Variants in NALF1 observed in about 807,000 individuals in gnomAD.
NALF1 encodes the protein family with sequence similarity 155 member A.
Under a neutral mutation model 48.4 loss-of-function variants are expected in NALF1, and 3 were observed. The observed-to-expected ratio is 0.06, with a 90% CI of 0.03 to 0.16. The LOEUF (loss-of-function observed/expected upper bound fraction) is 0.16, where lower values mean the gene tolerates loss of function less well. NALF1 is among the 10% of genes least tolerant of loss of function. The pLI, the probability that NALF1 is intolerant of heterozygous loss-of-function variation, is 1.00. For missense variants in NALF1, 526 were observed against 571.5 expected, an observed-to-expected ratio of 0.92 and a Z score of 0.81; for synonymous variants, 262 against 245.7, an observed-to-expected ratio of 1.07 and a Z score of -0.62.
At chr13:107,244,954 TA>T (rs1390355845) in intron 1 of NALF1, among the ~76,000 whole-genome samples, 3 of 152,188 alleles carry the variant, frequency 2.0e-5, no homozygotes, top group African/African-American at 4.8e-5. Flanking sequence ...ATGAACTCAC[TA>T]AGAGCCATTC....
intron 1 of NALF1, among the ~76,000 whole-genome samples, chr13:107,750,826 G>T (rs573604037): frequency 1.2e-3 from 185 of 152,322 alleles, no homozygotes; most frequent in Middle Eastern, 3.4e-3. Flanking sequence ...ATAACTGAAT[G>T]TTTCATGTGC....
chr13:107,324,621 T>C (rs1424411440), intron 1 of NALF1, among the ~76,000 whole-genome samples: 1 of 152,184 alleles, frequency 6.6e-6, no homozygotes, highest in Non-Finnish European at 1.5e-5. Flanking sequence ...AAACATTCTA[T>C]TTCTTCACCA....
chr13:107,530,415 G>A (rs1370714131), intron 1 of NALF1, among the ~76,000 whole-genome samples: 2 of 152,120 alleles, frequency 1.3e-5, no homozygotes, highest in African/African-American at 2.4e-5. Flanking sequence ...ATCATACATA[G>A]TAAGTGCTCA....
intron 1 of NALF1, among the ~76,000 whole-genome samples, chr13:107,780,225 T>C (rs1877849147): frequency 6.6e-6 from 1 of 152,098 alleles, no homozygotes. Context: ...GTGTGATCCT[T>C]TCACTATTTG....
chr13:107,859,914 C>CA (rs778833499), intron 1 of NALF1, among the ~76,000 whole-genome samples: 24,290 of 66,230 alleles, frequency 0.37, 3,260 homozygotes, highest in East Asian at 0.43. Context: ...AACTCCAACT[C>CA]AAAAAAAAAA....
intron 1 of NALF1, among the ~76,000 whole-genome samples, chr13:107,546,018 C>G (rs998657938): frequency 2.6e-5 from 4 of 152,068 alleles, no homozygotes; most frequent in Admixed American, 6.6e-5. Flanking sequence ...GTTCTGGGCT[C>G]TGGGTCAAGC....
At chr13:107,203,071 T>C (rs1879554517) in intron 2 of NALF1, among the ~76,000 whole-genome samples, 1 of 152,246 alleles carries the variant, frequency 6.6e-6, no homozygotes, top group Non-Finnish European at 1.5e-5. Context: ...AGCTACCAAG[T>C]GGGCATAAAT....
At chr13:107,762,876 A>G (rs1468861217) in intron 1 of NALF1, among the ~76,000 whole-genome samples, 1 of 152,190 alleles carries the variant, frequency 6.6e-6, no homozygotes, top group Non-Finnish European at 1.5e-5. Flanking sequence ...AGTCTTAAAA[A>G]TTGTGTTAAG....
At chr13:107,490,248 G>A (rs563970528) in intron 1 of NALF1, among the ~76,000 whole-genome samples, 13 of 152,066 alleles carry the variant, frequency 8.5e-5, no homozygotes, top group Middle Eastern at 3.4e-3. Flanking sequence ...AATACAAGTC[G>A]TTCTATTACA....
At chr13:107,847,781 AGGACACAGCTAAGCTGC>A (rs1880210970) in intron 1 of NALF1, among the ~76,000 whole-genome samples, 2 of 152,210 alleles carry the variant, frequency 1.3e-5, no homozygotes, top group African/African-American at 4.8e-5. Context: ...AGCTTTGCTG[AGGACACAGCTAAGCTGC>A]GTCCACATTT....
At chr13:107,838,622 T>C (rs1351989076) in intron 1 of NALF1, among the ~76,000 whole-genome samples, 1 of 151,984 alleles carries the variant, frequency 6.6e-6, no homozygotes, top group Non-Finnish European at 1.5e-5. Context: ...GCAGAAACAA[T>C]GGTGATAGCA....
At chr13:107,584,200 G>C (rs888804221) in intron 1 of NALF1, among the ~76,000 whole-genome samples, 6 of 152,052 alleles carry the variant, frequency 3.9e-5, no homozygotes, top group African/African-American at 1.4e-4. Context: ...AAGGAAATTG[G>C]TCAAATAATC....
chr13:107,580,851 C>T (rs1485600131), intron 1 of NALF1, among the ~76,000 whole-genome samples: 1 of 152,068 alleles, frequency 6.6e-6, no homozygotes, highest in Non-Finnish European at 1.5e-5. Context: ...GGACTACAGA[C>T]TTGGTGATGA....
At chr13:107,744,418 TC>T (rs1876725614) in intron 1 of NALF1, among the ~76,000 whole-genome samples, 1 of 151,976 alleles carries the variant, frequency 6.6e-6, no homozygotes, top group African/African-American at 2.4e-5. Context: ...AAAAATGATA[TC>T]CCCAAGCCCG....
intron 1 of NALF1, among the ~76,000 whole-genome samples, chr13:107,350,179 G>A (rs1285043427): frequency 6.6e-6 from 1 of 152,176 alleles, no homozygotes; most frequent in Non-Finnish European, 1.5e-5. Flanking sequence ...ACTGCTCCTT[G>A]GAACTGAGGG....
chr13:107,826,808 C>T (rs922726852), intron 1 of NALF1, among the ~76,000 whole-genome samples: 3 of 152,288 alleles, frequency 2.0e-5, no homozygotes, highest in Middle Eastern at 3.4e-3. Flanking sequence ...GGAAACTAAT[C>T]GAACTCTCTT....
rs149709523 is a variant in NALF1, at chr13:107,753,819, T to C, written c.915+111863A>G. Among the ~76,000 whole-genome samples the C allele has an allele frequency of 6.2e-4, 95 of 152,254 alleles. 1 individual carries two copies. The highest frequency in any genetic ancestry group is 2.3e-3 in the African/African-American group (95 of 41,560). On this transcript the variant is annotated intron_variant, in intron 1 of 2. Coordinates refer to ENST00000375915, the MANE Select transcript of NALF1 (RefSeq NM_001080396.3). Reference sequence around the variant, plus strand: ...GAGTTGAACAAGGATCCATATAAAGTGTAGCTTTTAGGTTCAAAAAGCTAA... The same window carrying C: ...GAGTTGAACAAGGATCCATATAAAGCGTAGCTTTTAGGTTCAAAAAGCTAA...
chr13:107,830,520 T>C (rs1879686312), intron 1 of NALF1, among the ~76,000 whole-genome samples: 2 of 152,192 alleles, frequency 1.3e-5, no homozygotes, highest in Non-Finnish European at 2.9e-5. Context: ...GGATTTGGGT[T>C]TCCCTGATGA....
intron 1 of NALF1, among the ~76,000 whole-genome samples, chr13:107,556,290 T>C (rs1566391691): frequency 7.3e-6 from 1 of 137,426 alleles, no homozygotes; most frequent in African/African-American, 2.8e-5. Context: ...TATATATATA[T>C]ATATATACAC....
Sources: allele counts gnomAD v4.1 joint callset (sites outside exome capture counted in the v4.1 genomes callset), GRCh38; gene constraint gnomAD v4.1.1; transcripts MANE v1.5; gene names NCBI Gene and HGNC (gene_info 2026-07-23, HGNC 2026-07-21).